DAP3: variants seen among roughly 807,000 people sequenced by gnomAD.
DAP3 encodes the protein death associated protein 3.
A neutral mutation model predicts 51.9 loss-of-function variants in DAP3; 28 were observed. That is an observed-to-expected ratio of 0.54 (90% CI 0.40 to 0.74). The LOEUF (loss-of-function observed/expected upper bound fraction) is 0.74, where lower values mean the gene tolerates loss of function less well. DAP3 is among the 30% of genes least tolerant of loss of function. DAP3 has a pLI of 0.00. For synonymous variants in DAP3, 170 were observed against 170.3 expected, an observed-to-expected ratio of 1.00 and a Z score of 0.01; for missense variants, 458 against 483.5, an observed-to-expected ratio of 0.95 and a Z score of 0.49.
chr1:155,729,425 G>A, intron 9 of DAP3, 59 bp downstream of exon 9: 1 of 1,592,356 alleles, frequency 6.3e-7, no homozygotes, highest in Non-Finnish European at 8.6e-7. Context: ...TCAGTATGGA[G>A]GCTGGGTCTT....
rs146056510 is a variant in DAP3 at position 155,694,891 on chromosome 1, G to A, written c.-8+5717G>A. Among the ~76,000 whole-genome samples the A allele has an allele frequency of 5.8e-4, 89 of 152,246 alleles. No homozygotes were observed. The East Asian group carries it at 0.015, about 26-fold the overall frequency. ...TCAGCTGCTATAGTAACCTGATTGC[G>A]GAAGATGTTCAAAAAATTTAAGGTA... On this transcript the variant is annotated intron_variant, in intron 1 of 12. Coordinates refer to ENST00000368336, the MANE Select transcript of DAP3 (RefSeq NM_004632.4).
chr1:155,735,838 ATT>A (rs35138415), intron 11 of DAP3, among the ~76,000 whole-genome samples: 12 of 82,472 alleles, frequency 1.5e-4, no homozygotes, highest in African/African-American at 1.5e-4. Flanking sequence ...CGCCTGGCTA[ATT>A]TTTTTTTTTT....
intron 1 of DAP3, among the ~76,000 whole-genome samples, chr1:155,695,885 C>T (rs973205877): frequency 2.6e-5 from 4 of 152,082 alleles, no homozygotes; most frequent in African/African-American, 4.8e-5. Context: ...AGGGGCATCA[C>T]GAGTAATTTT....
At position 155,725,509 on chromosome 1, in the gene DAP3, G is replaced by A. The variant is rs755374880; in HGVS notation, c.379+19G>A. On this transcript the variant is annotated intron_variant, in intron 5 of 12. Coordinates refer to ENST00000368336, the MANE Select transcript of DAP3 (RefSeq NM_004632.4). ...CTTCTGTGTATCCTTTCCTGCCTGCGTGGACCCTCATGAACCAATGCTTTC... is the reference window on the plus strand; with the variant it reads ...CTTCTGTGTATCCTTTCCTGCCTGCATGGACCCTCATGAACCAATGCTTTC... The A allele has an allele frequency of 5.5e-5, 88 of 1,595,140 alleles. No individual in the cohort carries two copies. The South Asian group carries it at 7.2e-4, about 13-fold the overall frequency.
At chr1:155,727,179 T>C (rs1658699871) in intron 6 of DAP3, 1 of 153,056 alleles carries the variant, frequency 6.5e-6, no homozygotes, top group Admixed American at 6.5e-5. Flanking sequence ...GCATCCACAT[T>C]TTCTTTCTTT....
intron 1 of DAP3, among the ~76,000 whole-genome samples, chr1:155,698,084 T>C (rs921365585): frequency 3.9e-5 from 6 of 152,218 alleles, no homozygotes; most frequent in Admixed American, 1.3e-4. Context: ...ATCGTTGTTA[T>C]CCTGTTCTTT....
chr1:155,690,729 G>C (rs1653677414), intron 1 of DAP3, among the ~76,000 whole-genome samples: 1 of 141,554 alleles, frequency 7.1e-6, no homozygotes, highest in Non-Finnish European at 1.5e-5. Context: ...CAACTCTTCT[G>C]TAAATTTACA....
chr1:155,689,834 C>T (rs1257496880), intron 1 of DAP3, among the ~76,000 whole-genome samples: 1 of 152,154 alleles, frequency 6.6e-6, no homozygotes, highest in African/African-American at 2.4e-5. Context: ...ATTGCTTGAA[C>T]CCGGGCGGCG....
At position 155,720,764 on chromosome 1, in the gene DAP3, C is replaced by T. The variant is rs973637878; in HGVS notation, c.169-753C>T. Among the ~76,000 whole-genome samples the T allele has an allele frequency of 2.9e-5, 4 of 137,508 alleles. No individual in the cohort carries two copies. The South Asian group carries it at 7.0e-4, about 24-fold the overall frequency. The allele number at this position is 137,508 out of a possible 152,430, so 90.2% of individuals were successfully genotyped here. ...GATAAAAAGACAAGGCTGGGCTAGG[C>T]GCTGTGGCTCACGCCTGTAATCCCA... On this transcript the variant is annotated intron_variant, in intron 3 of 12. Transcript: ENST00000368336.
chr1:155,719,322 A>G (rs1657722077), intron 3 of DAP3, among the ~76,000 whole-genome samples: 1 of 145,130 alleles, frequency 6.9e-6, no homozygotes, highest in Admixed American at 7.2e-5. Flanking sequence ...TGCAACCTCC[A>G]CCTCCTGGGT....
chr1:155,699,199 G>A, intron 1 of DAP3, among the ~76,000 whole-genome samples: 1 of 152,178 alleles, frequency 6.6e-6, no homozygotes, highest in East Asian at 1.9e-4. Context: ...TGAAAGGGAG[G>A]CAGTACGTCA....
At chr1:155,705,273 A>G (rs995335307) in intron 1 of DAP3, among the ~76,000 whole-genome samples, 1 of 151,626 alleles carries the variant, frequency 6.6e-6, no homozygotes, top group Non-Finnish European at 1.5e-5. Context: ...ATGACAGAGC[A>G]AGACCCTGTC....
intron 2 of DAP3, among the ~76,000 whole-genome samples, chr1:155,712,904 G>A (rs181914624): frequency 3.9e-4 from 60 of 152,284 alleles, no homozygotes; most frequent in African/African-American, 1.3e-3. Context: ...CTCTCCGGTA[G>A]ATAAAATTGA....
intron 1 of DAP3, 21 bp from the exon 2 acceptor site, chr1:155,709,752 C>CTTT (rs372695062): frequency 8.4e-5 from 112 of 1,330,810 alleles, no homozygotes; most frequent in South Asian, 3.3e-4. Flanking sequence ...TACCTTTTCA[C>CTTT]TTTTTTTTTT....
Position 155,729,242 on chromosome 1 carries a change from T to C in DAP3, c.719T>C (p.Val240Ala), listed in dbSNP as rs776387238. 13 of 1,613,986 alleles carry C rather than the reference T, an allele frequency of 8.1e-6. No individual in the cohort carries two copies. The African/African-American group carries it at 1.6e-4, about 20-fold the overall frequency. ...ITRVRNATDAVGIVLKELKRQ... is the reference protein window; with the variant it reads ...ITRVRNATDAAGIVLKELKRQ... Reference sequence around the variant, plus strand: ...CGGGTGAGGAACGCCACAGATGCAGTTGGAATTGTGCTGAAAGAGCTAAAG... The same window carrying C: ...CGGGTGAGGAACGCCACAGATGCAGCTGGAATTGTGCTGAAAGAGCTAAAG... The change falls in exon 9 of 13, where the codon GTT (valine) becomes GCT (alanine). Residue 240 changes from valine (V) to alanine (A), a missense_variant. Val to Ala is a moderately conservative substitution (Grantham distance 64). Transcript: ENST00000368336.
intron 1 of DAP3, among the ~76,000 whole-genome samples, chr1:155,692,390 T>G (rs1163378509): frequency 7.1e-6 from 1 of 141,782 alleles, no homozygotes; most frequent in Non-Finnish European, 1.5e-5. Context: ...CCTTTTTTCT[T>G]TTTTAAAACT....
intron 1 of DAP3, among the ~76,000 whole-genome samples, chr1:155,708,172 C>T (rs1025102224): frequency 1.3e-5 from 2 of 152,048 alleles, no homozygotes; most frequent in African/African-American, 4.8e-5. Context: ...CTCTGCCTCC[C>T]GAGTAGCTGG....
chr1:155,735,911 G>A (rs1026825622), intron 11 of DAP3, among the ~76,000 whole-genome samples: 1 of 144,428 alleles, frequency 6.9e-6, no homozygotes, highest in East Asian at 2.0e-4. Flanking sequence ...GCTTAATCTC[G>A]GCTCACTGCA....
Position 155,738,625 on chromosome 1 carries a change from T to G in DAP3, c.*383T>G, listed in dbSNP as rs539008568. The G allele has an allele frequency of 6.2e-6, 1 of 161,744 alleles. No homozygotes were observed. Among genetic ancestry groups the G allele is most frequent in the African/African-American group, 2.4e-5 (1 of 41,856 alleles). The allele number at this position is 161,744 out of a possible 1,614,324, so 10.0% of individuals were successfully genotyped here. On this transcript the variant is annotated 3_prime_UTR_variant, in exon 13 of 13. Coordinates refer to ENST00000368336, the MANE Select transcript of DAP3 (RefSeq NM_004632.4). ...TTGTTGCAGGTCAGAAGAGATCAAT[T>G]CTACAGAAATTTCCAGTGGTTCTGT...
Sources: gnomAD v4.1 joint callset for allele counts (sites outside exome capture counted in the v4.1 genomes callset) on GRCh38, gnomAD v4.1.1 for gene constraint, MANE v1.5 for transcripts, NCBI Gene and HGNC (gene_info 2026-07-23, HGNC 2026-07-21) for gene names.